Variants in GSK3B observed in about 807,000 individuals in gnomAD.
GSK3B encodes the protein glycogen synthase kinase 3 beta, also known as glycogen synthase kinase-3 beta.
GSK3B carries 15 observed loss-of-function variants against 56.4 expected under a neutral mutation model. The observed-to-expected ratio is 0.27, with a 90% CI of 0.18 to 0.41. The LOEUF is 0.41. GSK3B is among the 10% of genes least tolerant of loss of function. GSK3B has a pLI of 1.00. For synonymous variants in GSK3B, 181 were observed against 188.9 expected (o/e 0.96, Z 0.34); for missense variants, 300 against 513.4 (o/e 0.58, Z 4.02).
intron 10 of GSK3B, 91 bp from the exon 11 acceptor site, chr3:119,826,946 T>G (rs191874146): frequency 2.6e-6 from 2 of 764,078 alleles, no homozygotes; most frequent in African/African-American, 3.5e-5. Flanking sequence ...GGCTGTGAAC[T>G]GTATGGCCTT....
rs2056930032 is a variant in GSK3B at position 119,930,080 on chromosome 3, T to TACAGACAC, written c.367-6598_367-6597insGTGTCTGT. Among the ~76,000 whole-genome samples the TACAGACAC allele has an allele frequency of 5.2e-5, 7 of 133,594 alleles. No individual in the cohort carries two copies. In the South Asian group the frequency reaches 1.7e-3, roughly 33 times the overall value. 87.6% of individuals were successfully genotyped at this position (133,594 alleles called of 152,430 possible). A position where few individuals can be genotyped will look rare whatever the true frequency, so the allele number is the denominator to read the frequency against. On this transcript the variant is annotated intron_variant, in intron 3 of 10. Transcript: ENST00000264235. ...GACGACACAGTGAGATTCTGTCTCCTACACACACACACACACACACACACA... is the reference window on the plus strand; with the variant it reads ...GACGACACAGTGAGATTCTGTCTCCTACAGACACACACACACACACACACACACACACA...
intron 8 of GSK3B, among the ~76,000 whole-genome samples, chr3:119,866,267 T>C (rs1272419564): frequency 1.3e-5 from 2 of 152,180 alleles, no homozygotes; most frequent in Admixed American, 1.3e-4. Flanking sequence ...CTTTCCTTAC[T>C]CACTGAAATT....
chr3:120,006,409 C>A (rs1020261158), intron 1 of GSK3B, among the ~76,000 whole-genome samples: 1 of 152,152 alleles, frequency 6.6e-6, no homozygotes, highest in African/African-American at 2.4e-5. Flanking sequence ...TTGGACCAAG[C>A]GGACCTAATA....
intron 1 of GSK3B, among the ~76,000 whole-genome samples, chr3:120,058,617 C>T (rs1380937705): frequency 6.6e-6 from 1 of 151,706 alleles, no homozygotes; most frequent in Non-Finnish European, 1.5e-5. Flanking sequence ...AAGCTGTAAA[C>T]TTTAAACAAA....
At chr3:119,961,443 C>T (rs1175579886) in intron 2 of GSK3B, among the ~76,000 whole-genome samples, 1 of 152,088 alleles carries the variant, frequency 6.6e-6, no homozygotes, top group Non-Finnish European at 1.5e-5. Context: ...GCCTGGCCAA[C>T]ATGGTGAAAC....
At position 120,093,908 on chromosome 3, in the gene GSK3B, A is replaced by G. The variant is rs1335305384; in HGVS notation, c.-474T>C. The G allele has an allele frequency of 2.1e-5, 3 of 145,984 alleles. No individual in the cohort carries two copies. The highest frequency in any genetic ancestry group is 8.7e-5 in the African/African-American group (3 of 34,488). 9.0% of individuals were successfully genotyped at this position (145,984 alleles called of 1,614,324 possible). On this transcript the variant is annotated 5_prime_UTR_variant, in exon 1 of 11. Coordinates refer to ENST00000264235, the MANE Select transcript of GSK3B (RefSeq NM_001146156.2). ...AAAGGGGGATGGGTAGGAGGGAGGG[A>G]GAGGGAGGGAGGGGGTGGCTCGGAG...
At chr3:119,853,325 G>C (rs1193501859) in intron 9 of GSK3B, among the ~76,000 whole-genome samples, 2 of 152,172 alleles carry the variant, frequency 1.3e-5, no homozygotes, top group Non-Finnish European at 2.9e-5. Context: ...GGTTACTGTA[G>C]CCTTGTAGTA....
At chr3:120,057,520 C>T (rs1576301023) in intron 1 of GSK3B, among the ~76,000 whole-genome samples, 1 of 152,122 alleles carries the variant, frequency 6.6e-6, no homozygotes, top group African/African-American at 2.4e-5. Context: ...GAAGAGGATA[C>T]TGAATATATT....
At chr3:120,010,576 T>C (rs1426210355) in intron 1 of GSK3B, among the ~76,000 whole-genome samples, 4 of 152,216 alleles carry the variant, frequency 2.6e-5, no homozygotes, top group Admixed American at 2.0e-4. Context: ...GGACTCTGAA[T>C]TAAAAATTCC....
chr3:120,029,264 T>C lies in GSK3B; in HGVS notation c.89-27025A>G, dbSNP rs909270344. On this transcript the variant is annotated intron_variant, in intron 1 of 10. Coordinates refer to ENST00000264235, the MANE Select transcript of GSK3B (RefSeq NM_001146156.2). ...ACAGGTTATCACAGCTGCAAATGAA[T>C]GTCTTTGTATTCTGTTTATAGAGAG... 1.1e-5 allele frequency: 8 copies of C among 726,920 alleles called. No individual in the cohort carries two copies. In the South Asian group the frequency reaches 1.1e-4, roughly 10 times the overall value. 45.0% of individuals were successfully genotyped at this position (726,920 alleles called of 1,614,324 possible).
intron 3 of GSK3B, among the ~76,000 whole-genome samples, chr3:119,936,259 C>A: frequency 6.9e-6 from 1 of 145,648 alleles, no homozygotes; most frequent in Non-Finnish European, 1.5e-5. Flanking sequence ...GAACGGTGTC[C>A]AGAAGAAAAA....
At chr3:120,079,237 G>A (rs1330477382) in intron 1 of GSK3B, among the ~76,000 whole-genome samples, 1 of 147,968 alleles carries the variant, frequency 6.8e-6, no homozygotes, top group Non-Finnish European at 1.5e-5. Context: ...CACTGCACCT[G>A]GCCTGTCTCC....
rs115454183 is a variant in GSK3B, at chr3:119,899,008, T to C, written c.813+6747A>G. The stretch of plus-strand genomic sequence containing the variant: ...GGTGAATTACACAGGCCTTGTGACA[T>C]AGCCTTAGTCTACTAATGATCTTCT... On this transcript the variant is annotated intron_variant, in intron 7 of 10. Coordinates refer to ENST00000264235, the MANE Select transcript of GSK3B (RefSeq NM_001146156.2). Among the ~76,000 whole-genome samples, 645 of 152,270 alleles carry C rather than the reference T, an allele frequency of 4.2e-3. 1 individual carries two copies. The highest frequency in any genetic ancestry group is 0.015 in the African/African-American group (609 of 41,564).
chr3:120,084,954 A>C (rs1332173196), intron 1 of GSK3B, among the ~76,000 whole-genome samples: 1 of 152,216 alleles, frequency 6.6e-6, no homozygotes, highest in Non-Finnish European at 1.5e-5. Flanking sequence ...ATGTATGTAT[A>C]CACAAAATGC....
At chr3:119,859,168 G>A (rs567195536) in intron 9 of GSK3B, among the ~76,000 whole-genome samples, 1 of 118,994 alleles carries the variant, frequency 8.4e-6, no homozygotes, top group Non-Finnish European at 1.8e-5. Flanking sequence ...TGACACGAAC[G>A]TTTTATTTGT....
intron 1 of GSK3B, among the ~76,000 whole-genome samples, chr3:120,076,047 T>C (rs756467529): frequency 2.6e-5 from 4 of 152,120 alleles, no homozygotes; most frequent in African/African-American, 7.2e-5. Flanking sequence ...TGCAACAGAA[T>C]AGAGAGCCCA....
At chr3:119,983,628 T>C (rs1417392781) in intron 2 of GSK3B, among the ~76,000 whole-genome samples, 1 of 151,522 alleles carries the variant, frequency 6.6e-6, no homozygotes, top group Non-Finnish European at 1.5e-5. Flanking sequence ...TACATGATGG[T>C]AAAGGAGTCA....
intron 1 of GSK3B, among the ~76,000 whole-genome samples, chr3:120,018,104 T>G (rs2057842397): frequency 6.6e-6 from 1 of 152,046 alleles, no homozygotes; most frequent in East Asian, 1.9e-4. Flanking sequence ...CACTTTACAG[T>G]TTAAAAGCAC....
chr3:120,009,072 CAT>C (rs1201227856), intron 1 of GSK3B, among the ~76,000 whole-genome samples: 5 of 152,132 alleles, frequency 3.3e-5, no homozygotes, highest in African/African-American at 9.7e-5. Context: ...AGCCAACAGA[CAT>C]ATGAAAAAAT....
Sources: gnomAD v4.1 joint callset for allele counts (sites outside exome capture counted in the v4.1 genomes callset) on GRCh38, gnomAD v4.1.1 for gene constraint, MANE v1.5 for transcripts, NCBI Gene and HGNC (gene_info 2026-07-23, HGNC 2026-07-21) for gene names.